Variants in FNDC1 observed in about 807,000 individuals in gnomAD.
FNDC1 encodes fibronectin type III domain-containing protein 1.
FNDC1 carries 96 observed loss-of-function variants against 168.0 expected under a neutral mutation model. That is an observed-to-expected ratio of 0.57 (90% CI 0.48 to 0.68). The LOEUF is 0.68. Among genes scored for constraint, FNDC1 ranks in the 30% least tolerant of loss-of-function variants. The pLI is 0.00. For synonymous variants in FNDC1, 1,099 were observed against 1,025.9 expected, an observed-to-expected ratio of 1.07 and a Z score of -1.36; for missense variants, 2,587 against 2,482.1, an observed-to-expected ratio of 1.04 and a Z score of -0.90.
intron 1 of FNDC1, among the ~76,000 whole-genome samples, chr6:159,175,505 G>T (rs541777853): frequency 6.7e-4 from 102 of 152,158 alleles, no homozygotes; most frequent in Admixed American, 2.0e-3. Context: ...TCTTTGATCT[G>T]CTCAGAATGC....
intron 14 of FNDC1, 52 bp downstream of exon 14, chr6:159,240,009 G>A (rs368953893): frequency 2.2e-5 from 32 of 1,428,838 alleles, no homozygotes; most frequent in Middle Eastern, 1.8e-4. Context: ...CTAGCACGCC[G>A]CAACTCAGAG....
intron 17 of FNDC1, among the ~76,000 whole-genome samples, chr6:159,254,679 G>C (rs1200144451): frequency 4.4e-5 from 6 of 137,612 alleles, no homozygotes; most frequent in African/African-American, 1.7e-4. Flanking sequence ...CTGCACTCCA[G>C]CCTGGGCAAC....
intron 4 of FNDC1, among the ~76,000 whole-genome samples, chr6:159,206,565 G>A (rs1344005109): frequency 6.6e-6 from 1 of 152,232 alleles, no homozygotes; most frequent in African/African-American, 2.4e-5. Flanking sequence ...ATTGACAAGA[G>A]TGTTGACAAC....
intron 7 of FNDC1, among the ~76,000 whole-genome samples, chr6:159,225,194 CGCACAG>C (rs796142626): frequency 4.5e-5 from 5 of 110,798 alleles, no homozygotes; most frequent in South Asian, 7.6e-4. Flanking sequence ...CACACACACA[CGCACAG>C]TCACACACAC....
intron 12 of FNDC1, 32 bp from the exon 13 acceptor site, chr6:159,238,522 A>G: frequency 1.4e-6 from 2 of 1,474,246 alleles, no homozygotes; most frequent in South Asian, 1.2e-5. Context: ...CAAAATGTCC[A>G]ATATATTCTT....
chr6:159,268,253 A>C (rs192682084), intron 22 of FNDC1, among the ~76,000 whole-genome samples: 7 of 152,228 alleles, frequency 4.6e-5, no homozygotes, highest in Non-Finnish European at 8.8e-5. Flanking sequence ...GTGAAGACAA[A>C]ATACACTAAT....
chr6:159,173,933 G>A (rs545343202), intron 1 of FNDC1, among the ~76,000 whole-genome samples: 3 of 152,298 alleles, frequency 2.0e-5, no homozygotes, highest in Admixed American at 6.5e-5. Flanking sequence ...AGGGATGAGG[G>A]GGGCAGGGAG....
rs1158560394 is a variant in FNDC1 at position 159,169,603 on chromosome 6, C to T, written c.7C>T (p.Pro3Ser). Residue 3 changes from proline (P) to serine (S), a missense_variant, in exon 1 of 23, where the codon CCC becomes TCC. Pro to Ser is a moderately conservative substitution (Grantham distance 74). Coordinates refer to ENST00000297267, the MANE Select transcript of FNDC1 (RefSeq NM_032532.3). The surrounding 1 kb of genome is among the most constrained non-coding windows in gnomAD (Gnocchi z 6.8). Reference protein sequence around the residue: MAPEAGATLRAPR... With the variant: MASEAGATLRAPR... ...GGCCCACCCCGGGCTCTCGATGGCC[C>T]CCGAGGCCGGGGCGACCCTGCGCGC... The T allele has an allele frequency of 6.3e-6, 7 of 1,117,724 alleles. No homozygotes were observed. Among genetic ancestry groups the T allele is most frequent in the Admixed American group, 5.0e-5 (1 of 19,996 alleles). 69.2% of individuals were successfully genotyped at this position (1,117,724 alleles called of 1,614,324 possible).
At chr6:159,270,828 A>G (rs951328813) in intron 22 of FNDC1, among the ~76,000 whole-genome samples, 4 of 152,220 alleles carry the variant, frequency 2.6e-5, no homozygotes, top group African/African-American at 7.2e-5. Flanking sequence ...ATCTGGCTCA[A>G]TGTCATCCAT....
chr6:159,226,655 C>T, intron 9 of FNDC1, 75 bp downstream of exon 9: 1 of 1,164,842 alleles, frequency 8.6e-7, no homozygotes, highest in East Asian at 2.7e-5. Flanking sequence ...GCTTTGTTGA[C>T]TGAAAAAGAA....
intron 1 of FNDC1, among the ~76,000 whole-genome samples, chr6:159,171,149 T>C (rs527740252): frequency 4.6e-5 from 7 of 152,262 alleles, no homozygotes; most frequent in East Asian, 1.9e-4. Context: ...ATCTGCACTC[T>C]TGCTTTTTCG....
Position 159,233,036 on chromosome 6 carries a change from C to G in FNDC1, c.2524C>G (p.Arg842Gly). 4 of 1,611,706 alleles carry G rather than the reference C, an allele frequency of 2.5e-6. No individual in the cohort carries two copies. Among genetic ancestry groups the G allele is most frequent in the Non-Finnish European group, 3.4e-6 (4 of 1,179,068 alleles). Residue 842 changes from arginine to glycine, a missense_variant, in exon 11 of 23, where the codon CGG becomes GGG. Coordinates refer to ENST00000297267, the MANE Select transcript of FNDC1 (RefSeq NM_032532.3). The surrounding 1 kb of genome is among the most constrained non-coding windows in gnomAD (Gnocchi z 4.6). ...CAGGTTCAGCATTGGGCGGGGACCT[C>G]GGCTGCAGCCCTCCAGCTCCCCACA... ...PSRFSIGRGP[R>G]LQPSSSPQST...
intron 17 of FNDC1, among the ~76,000 whole-genome samples, chr6:159,252,705 A>T (rs918905649): frequency 6.6e-6 from 1 of 152,258 alleles, no homozygotes; most frequent in Non-Finnish European, 1.5e-5. Flanking sequence ...AAACATCCAG[A>T]AAATCTTTTT....
chr6:159,260,032 TA>T (rs1777452545), intron 18 of FNDC1, among the ~76,000 whole-genome samples: 1 of 152,232 alleles, frequency 6.6e-6, no homozygotes, highest in Admixed American at 6.5e-5. Flanking sequence ...TTTAAAAATG[TA>T]GTGCATTTTA....
chr6:159,200,042 T>G lies in FNDC1; in HGVS notation c.351T>G (p.Ser117Arg), dbSNP rs1033071437. 1.2e-6 allele frequency: 2 copies of G among 1,605,872 alleles called. No homozygotes were observed. Among genetic ancestry groups the G allele is most frequent in the African/African-American group, 1.3e-5 (1 of 74,862 alleles). The stretch of plus-strand genomic sequence containing the variant: ...TGCTGCTTACTGCAGAAAACCACAG[T>G]GGAGTGAGCCGTCCTGTTTACAGAG... ...YFVLLTAENH[S>R]GVSRPVYRAE... Residue 117 changes from serine (S) to arginine (R), a missense_variant, in exon 3 of 23, where the codon AGT becomes AGG. Transcript: ENST00000297267.
At position 159,233,954 on chromosome 6, in the gene FNDC1, G is replaced by T. The variant is rs763203303; in HGVS notation, c.3442G>T (p.Ala1148Ser). Residue 1148 changes from alanine to serine, a missense_variant, in exon 11 of 23, where the codon GCC becomes TCC. Coordinates refer to ENST00000297267, the MANE Select transcript of FNDC1 (RefSeq NM_032532.3). This position sits in a 1 kb window ranked among gnomAD's most constrained non-coding sequence, Gnocchi z 4.6. Reference sequence around the variant, plus strand: ...CCGACCCGGCGGCCCCCAGTCCCGCGCCCGGGTACCCAGCAGGGCAGCGCC... The same window carrying T: ...CCGACCCGGCGGCCCCCAGTCCCGCTCCCGGGTACCCAGCAGGGCAGCGCC... ...PSRPGGPQSR[A>S]RVPSRAAPGK... The T allele has an allele frequency of 3.2e-6, 5 of 1,572,454 alleles. No individual in the cohort carries two copies. The highest frequency in any genetic ancestry group is 1.9e-5 in the Admixed American group (1 of 53,746).
chr6:159,180,604 G>A (rs1024296785), intron 1 of FNDC1, among the ~76,000 whole-genome samples: 2 of 152,118 alleles, frequency 1.3e-5, no homozygotes, highest in African/African-American at 4.8e-5. Context: ...GCATGCATTA[G>A]TTATTTTTCC....
At chr6:159,220,384 T>G (rs1169013661) in intron 5 of FNDC1, among the ~76,000 whole-genome samples, 1 of 152,178 alleles carries the variant, frequency 6.6e-6, no homozygotes, top group Non-Finnish European at 1.5e-5. Flanking sequence ...CTTACTTAGG[T>G]CCTACCTGAT....
At chr6:159,242,036 A>G (rs1032266963) in intron 14 of FNDC1, among the ~76,000 whole-genome samples, 1 of 152,222 alleles carries the variant, frequency 6.6e-6, no homozygotes, top group Non-Finnish European at 1.5e-5. Flanking sequence ...ATGCACATGT[A>G]TGTTCATTGC....
Sources: allele counts gnomAD v4.1 joint callset (sites outside exome capture counted in the v4.1 genomes callset), GRCh38; gene constraint gnomAD v4.1.1; non-coding constraint Gnocchi (gnomAD v3.1); transcripts MANE v1.5; gene names NCBI Gene and HGNC (gene_info 2026-07-23, HGNC 2026-07-21).